The following PGRMC2 variants were observed in gnomAD, a reference collection of about 807,000 sequenced individuals.
PGRMC2 encodes progesterone receptor membrane component 2.
PGRMC2 carries 9 observed loss-of-function variants against 19.3 expected under a neutral mutation model. The observed-to-expected ratio is 0.47, with a 90% CI of 0.28 to 0.81. The LOEUF is 0.81. Ranked by LOEUF, PGRMC2 falls within the 40% of genes least tolerant of loss-of-function variation. The pLI is 0.11. For synonymous variants in PGRMC2, 157 were observed against 124.6 expected (o/e 1.26, Z -1.73); for missense variants, 289 against 297.3 (o/e 0.97, Z 0.21).
intron 1 of PGRMC2, among the ~76,000 whole-genome samples, chr4:128,274,569 T>C (rs942622534): frequency 1.3e-5 from 2 of 148,786 alleles, no homozygotes; most frequent in African/African-American, 5.0e-5. Flanking sequence ...TGTGTGTACA[T>C]GCACATGTGC....
intron 1 of PGRMC2, among the ~76,000 whole-genome samples, chr4:128,273,551 G>C (rs530977920): frequency 6.6e-6 from 1 of 152,116 alleles, no homozygotes; most frequent in East Asian, 1.9e-4. Context: ...ACACTATTAT[G>C]AACAACAACA....
rs1760723728 is a variant in PGRMC2 at position 128,271,239 on chromosome 4, CAA to C, written c.*75_*76del. On this transcript the variant is annotated 3_prime_UTR_variant, in exon 3 of 3. Transcript: ENST00000296425. Reference sequence around the variant, plus strand: ...TTTTTCGCAGCAGGTGAATCAAACCCAAAGACTCCGGACAGTCTGTGAAAGGG... The same window carrying C: ...TTTTTCGCAGCAGGTGAATCAAACCCAGACTCCGGACAGTCTGTGAAAGGG... The C allele has an allele frequency of 1.4e-6, 1 of 691,720 alleles. No homozygotes were observed. The highest frequency in any genetic ancestry group is 2.5e-6 in the Non-Finnish European group (1 of 398,976). 42.8% of individuals were successfully genotyped at this position (691,720 alleles called of 1,614,324 possible).
At position 128,287,774 on chromosome 4, in the gene PGRMC2, C is replaced by T; in HGVS notation, c.17G>A (p.Gly6Glu). 1.4e-6 allele frequency: 2 copies of T among 1,476,514 alleles called. No individual in the cohort carries two copies. The highest frequency in any genetic ancestry group is 1.9e-6 in the Non-Finnish European group (2 of 1,076,984). 91.5% of individuals were successfully genotyped at this position (1,476,514 alleles called of 1,614,324 possible). A position where few individuals can be genotyped will look rare whatever the true frequency, so the allele number is the denominator to read the frequency against. The change falls in exon 1 of 3, where the codon GGG (glycine) becomes GAG (glutamate). Residue 6 changes from glycine to glutamate, a missense_variant. Gly to Glu is a moderately conservative substitution (Grantham distance 98, BLOSUM62 -2). Coordinates refer to ENST00000296425, the MANE Select transcript of PGRMC2 (RefSeq NM_006320.6). MAAGD[G>E]DVKLGTLGSG... is the part of the protein sequence containing the mutation. Reference sequence around the variant, plus strand: ...CCCCAGGGTGCCTAGCTTCACGTCCCCATCACCAGCCGCCATCACTGCCCG... The same window carrying T: ...CCCCAGGGTGCCTAGCTTCACGTCCTCATCACCAGCCGCCATCACTGCCCG...
chr4:128,287,710 A>C lies in PGRMC2; in HGVS notation c.81T>G (p.Ser27Arg). The C allele has an allele frequency of 6.6e-7, 1 of 1,504,000 alleles. No homozygotes were observed. The highest frequency in any genetic ancestry group is 8.9e-7 in the Non-Finnish European group (1 of 1,118,224). 93.2% of individuals were successfully genotyped at this position (1,504,000 alleles called of 1,614,324 possible). The part of the protein sequence containing the change: ...SESSNDGGSE[S>R]PGDAGAAAEG... ...CCGCTGCCGCTCCCGCGTCGCCTGGACTCTCGCTGCCGCCGTCGTTGCTGC... is the reference window on the plus strand; with the variant it reads ...CCGCTGCCGCTCCCGCGTCGCCTGGCCTCTCGCTGCCGCCGTCGTTGCTGC... Residue 27 changes from serine (S) to arginine (R), a missense_variant, in exon 1 of 3, where the codon AGT (serine) becomes AGG (arginine). By Grantham distance (110) the Ser-to-Arg change is moderately radical. Coordinates refer to ENST00000296425, the MANE Select transcript of PGRMC2 (RefSeq NM_006320.6).
rs1761007232 is a variant in PGRMC2 at position 128,287,590 on chromosome 4, C to A, written c.201G>T (p.Gly67=). ...NVALVALVLL[G]AYRLWVRWGR... ...CCCAGCGCACCCACAGCCGGTAGGC[C>A]CCCAGCAGCACCAGAGCCACCAGCG... The change falls in exon 1 of 3, where the codon GGG becomes GGT. Residue 67 remains glycine, a synonymous_variant. Transcript: ENST00000296425. 2.0e-6 allele frequency: 3 copies of A among 1,535,956 alleles called. No homozygotes were observed. The highest frequency in any genetic ancestry group is 1.8e-6 in the Non-Finnish European group (2 of 1,142,390).
At chr4:128,274,483 C>G (rs1022513579) in intron 1 of PGRMC2, among the ~76,000 whole-genome samples, 15 of 146,184 alleles carry the variant, frequency 1.0e-4, no homozygotes, top group Non-Finnish European at 1.5e-5. Context: ...TGCACTACGG[C>G]CTGGCCGAGA....
chr4:128,278,250 A>G (rs1353775988), intron 1 of PGRMC2, among the ~76,000 whole-genome samples: 1 of 152,258 alleles, frequency 6.6e-6, no homozygotes, highest in African/African-American at 2.4e-5. Flanking sequence ...TTCAAGTATT[A>G]GGAAAAAGGG....
intron 1 of PGRMC2, 131 bp from the exon 2 acceptor site, chr4:128,272,648 C>A (rs1388115483): frequency 8.2e-6 from 4 of 488,298 alleles, no homozygotes; most frequent in African/African-American, 2.1e-5. Context: ...TTGTATATAC[C>A]CTTAATTTCA....
At chr4:128,281,348 TC>T (rs1211776861) in intron 1 of PGRMC2, among the ~76,000 whole-genome samples, 1 of 152,218 alleles carries the variant, frequency 6.6e-6, no homozygotes, top group Non-Finnish European at 1.5e-5. Context: ...GGCAGCTTTT[TC>T]AAATTGACAC....
At chr4:128,277,136 G>A (rs1440700093) in intron 1 of PGRMC2, among the ~76,000 whole-genome samples, 2 of 151,520 alleles carry the variant, frequency 1.3e-5, no homozygotes, top group Non-Finnish European at 2.9e-5. Context: ...CAGCCTAGGC[G>A]ACAGAGCGAG....
chr4:128,283,718 C>A (rs569322758), intron 1 of PGRMC2, among the ~76,000 whole-genome samples: 1 of 149,564 alleles, frequency 6.7e-6, no homozygotes, highest in Non-Finnish European at 1.5e-5. Flanking sequence ...AGTGCAATGG[C>A]GAGATCTCAG....
At chr4:128,287,036 TG>T (rs1298444851) in intron 1 of PGRMC2, among the ~76,000 whole-genome samples, 3 of 151,512 alleles carry the variant, frequency 2.0e-5, no homozygotes, top group African/African-American at 7.3e-5. Flanking sequence ...CGTTGACCTG[TG>T]ACAACTAAAA....
intron 1 of PGRMC2, chr4:128,286,961 A>T: frequency 5.2e-6 from 2 of 382,214 alleles, no homozygotes; most frequent in Non-Finnish European, 9.2e-6. Flanking sequence ...AACTTCAGAA[A>T]TCTCCCTTCC....
rs564183257 is a variant in PGRMC2 at position 128,269,698 on chromosome 4, G to C, written c.*1618C>G. 2.6e-5 allele frequency: 4 copies of C among 152,248 alleles called. No individual in the cohort carries two copies. Among genetic ancestry groups the C allele is most frequent in the Non-Finnish European group, 5.9e-5 (4 of 68,008 alleles). The allele number at this position is 152,248 out of a possible 1,614,324, so 9.4% of individuals were successfully genotyped here. On this transcript the variant is annotated 3_prime_UTR_variant, in exon 3 of 3. Coordinates refer to ENST00000296425, the MANE Select transcript of PGRMC2 (RefSeq NM_006320.6). ...TAACATTGCCTTTTTAAGTGAACTT[G>C]TCCCCAGCCCGGAACCTAAGTAGTC...
chr4:128,286,766 C>A (rs1196608957), intron 1 of PGRMC2: 2 of 397,942 alleles, frequency 5.0e-6, no homozygotes, highest in African/African-American at 4.1e-5. Context: ...TAAAGAGAGT[C>A]CGAGGTGTTG....
intron 1 of PGRMC2, 67 bp from the exon 2 acceptor site, chr4:128,272,584 T>TAAAAAAAAAAAAAAAAAAAAA (rs5861848): frequency 9.4e-6 from 3 of 318,666 alleles, no homozygotes; most frequent in African/African-American, 6.6e-5. Context: ...AAGGAAAAAG[T>TAAAAAAAAAAAAAAAAAAAAA]AAAAAAAAAA....
In PGRMC2 at chr4:128,271,378, C is replaced by T; in HGVS notation, c.610G>A (p.Gly204Arg). ...TCTGTATATTCTGATGGTTCTTCTCCTGGTTTTAGGAGTCTGCCTACATAA... is the reference window on the plus strand; with the variant it reads ...TCTGTATATTCTGATGGTTCTTCTCTTGGTTTTAGGAGTCTGCCTACATAA... ...YDYVGRLLKP[G>R]EEPSEYTDEE... Residue 204 changes from glycine (G) to arginine (R), a missense_variant, in exon 3 of 3, where the codon GGA (glycine) becomes AGA (arginine). By Grantham distance (125) the Gly-to-Arg change is moderately radical (BLOSUM62 -2). Transcript: ENST00000296425. 6.2e-7 allele frequency: 1 copy of T among 1,604,708 alleles called. No homozygotes were observed.
chr4:128,273,223 A>G (rs1406425419), intron 1 of PGRMC2, among the ~76,000 whole-genome samples: 2 of 152,242 alleles, frequency 1.3e-5, no homozygotes, highest in African/African-American at 4.8e-5. Context: ...TGACTTTTGG[A>G]AAACAGAGGA....
Position 128,271,273 on chromosome 4 carries a change from A to T in PGRMC2, c.*43T>A. The stretch of plus-strand genomic sequence containing the variant: ...CGGACAGTCTGTGAAAGGGAGTAAG[A>T]ATTGCAGTTCTGAAGGCCCCTGACT... On this transcript the variant is annotated 3_prime_UTR_variant, in exon 3 of 3. Transcript: ENST00000296425. 4 of 1,001,670 alleles carry T rather than the reference A, an allele frequency of 4.0e-6. No homozygotes were observed. The highest frequency in any genetic ancestry group is 6.3e-6 in the Non-Finnish European group (4 of 637,264). 62.0% of individuals were successfully genotyped at this position (1,001,670 alleles called of 1,614,324 possible).
Sources: gnomAD v4.1 joint callset for allele counts (sites outside exome capture counted in the v4.1 genomes callset) on GRCh38, gnomAD v4.1.1 for gene constraint, MANE v1.5 for transcripts, NCBI Gene and HGNC (gene_info 2026-07-23, HGNC 2026-07-21) for gene names.